The following CDK14 variants were observed in gnomAD, a reference collection of about 807,000 sequenced individuals.
CDK14 encodes cyclin dependent kinase 14.
Under a neutral mutation model 60.7 loss-of-function variants are expected in CDK14, and 34 were observed. The ratio of observed to expected loss-of-function variants is 0.56; its 90% CI spans 0.43 to 0.75. The LOEUF is 0.75. CDK14 is among the 30% of genes least tolerant of loss of function. The pLI is 0.00. For missense variants in CDK14, 482 were observed against 564.1 expected, an observed-to-expected ratio of 0.85 and a Z score of 1.47; for synonymous variants, 197 against 203.7, an observed-to-expected ratio of 0.97 and a Z score of 0.28.
intron 2 of CDK14, among the ~76,000 whole-genome samples, chr7:90,674,202 A>G (rs1004760627): frequency 1.3e-4 from 20 of 152,248 alleles, no homozygotes; most frequent in Non-Finnish European, 4.4e-5. Context: ...GATTATCTAT[A>G]GCGAGAAAAA....
At chr7:90,757,603 T>G (rs1804133613) in intron 4 of CDK14, among the ~76,000 whole-genome samples, 1 of 152,000 alleles carries the variant, frequency 6.6e-6, no homozygotes, top group South Asian at 2.1e-4. Context: ...ATTCTTTTTT[T>G]TTTTTTTGTT....
intron 6 of CDK14, among the ~76,000 whole-genome samples, chr7:90,885,621 T>G (rs1053537465): frequency 2.6e-5 from 4 of 152,216 alleles, no homozygotes; most frequent in African/African-American, 7.2e-5. Context: ...TACACATATG[T>G]TTATTGCAGC....
chr7:90,620,492 A>G (rs1025969528), intron 2 of CDK14, among the ~76,000 whole-genome samples: 4 of 151,980 alleles, frequency 2.6e-5, no homozygotes, highest in Admixed American at 6.6e-5. Flanking sequence ...TCCTTCACCC[A>G]TCTTCCAGCT....
intron 10 of CDK14, among the ~76,000 whole-genome samples, chr7:90,988,881 T>C (rs1353343248): frequency 2.0e-5 from 3 of 152,176 alleles, no homozygotes; most frequent in Admixed American, 2.0e-4. Context: ...GTCTCCTGGC[T>C]TATAATGAAA....
At chr7:91,046,946 C>A (rs1386798050) in intron 11 of CDK14, among the ~76,000 whole-genome samples, 2 of 152,124 alleles carry the variant, frequency 1.3e-5, no homozygotes, top group Non-Finnish European at 2.9e-5. Flanking sequence ...TAATATTTTT[C>A]TTCTGAAAGT....
chr7:90,790,480 G>A lies in CDK14; in HGVS notation c.465-93G>A, dbSNP rs1805785947. ...TCACTGACATTTTTAGCATAAAAGT[G>A]AATTTATTTAGTTATATAAATTATA... is the stretch of plus-strand genomic sequence containing the variant. On this transcript the variant is annotated intron_variant, in intron 4 of 14. Coordinates refer to ENST00000380050, the MANE Select transcript of CDK14 (RefSeq NM_001287135.2). 11 of 743,046 alleles carry A rather than the reference G, an allele frequency of 1.5e-5. No homozygotes were observed. The East Asian group carries it at 3.3e-4, about 22-fold the overall frequency. The allele number at this position is 743,046 out of a possible 1,614,324, so 46.0% of individuals were successfully genotyped here.
chr7:91,096,569 AAAAAG>A (rs1798998965), intron 12 of CDK14, among the ~76,000 whole-genome samples: 1 of 152,182 alleles, frequency 6.6e-6, no homozygotes, highest in Admixed American at 6.5e-5. Context: ...TGTTTAAAAA[AAAAAG>A]AAAAGAAAAT....
At chr7:90,988,992 T>G (rs372522712) in intron 10 of CDK14, among the ~76,000 whole-genome samples, 3 of 73,170 alleles carry the variant, frequency 4.1e-5, no homozygotes, top group African/African-American at 1.4e-4. Flanking sequence ...TTGAGTGTGT[T>G]TGTGTGTGAG....
intron 10 of CDK14, among the ~76,000 whole-genome samples, chr7:91,034,666 T>C (rs1796861969): frequency 1.3e-5 from 2 of 152,078 alleles, no homozygotes; most frequent in African/African-American, 4.8e-5. Context: ...GTCCAGTGGC[T>C]CCCCCTGCTG....
At chr7:90,710,903 GT>G (rs895523724) in intron 2 of CDK14, among the ~76,000 whole-genome samples, 3 of 152,008 alleles carry the variant, frequency 2.0e-5, no homozygotes, top group Non-Finnish European at 1.5e-5. Context: ...TTTTAATAGT[GT>G]TCAAAGTGAG....
chr7:90,715,984 C>T (rs1048593658), intron 2 of CDK14, among the ~76,000 whole-genome samples: 48 of 152,042 alleles, frequency 3.2e-4, no homozygotes, highest in African/African-American at 1.0e-3. Flanking sequence ...CCTCTTAACA[C>T]GTACCATTTG....
chr7:90,955,839 C>T (rs1460153098), intron 9 of CDK14, 22 bp downstream of exon 9: 1 of 1,611,236 alleles, frequency 6.2e-7, no homozygotes, highest in Non-Finnish European at 8.5e-7. Flanking sequence ...AAGCTTTACT[C>T]TAGCTAATCT....
chr7:90,836,927 T>C (rs909700473), intron 5 of CDK14, among the ~76,000 whole-genome samples: 3 of 152,246 alleles, frequency 2.0e-5, no homozygotes, highest in African/African-American at 7.2e-5. Context: ...TAACTGTATA[T>C]TGTTTCTGTA....
intron 2 of CDK14, among the ~76,000 whole-genome samples, chr7:90,713,462 CCTAA>C (rs113961297): frequency 0.16 from 24,612 of 151,842 alleles, 2,084 homozygotes; most frequent in Middle Eastern, 0.26. Context: ...TTTCTGTCCT[CCTAA>C]CTGTTTTTCT....
At chr7:90,844,059 C>G (rs1366905490) in intron 5 of CDK14, among the ~76,000 whole-genome samples, 1 of 152,068 alleles carries the variant, frequency 6.6e-6, no homozygotes, top group Non-Finnish European at 1.5e-5. Context: ...ATCATTACTC[C>G]TTGGAGTGTC....
At chr7:90,759,259 A>T (rs925939324) in intron 4 of CDK14, among the ~76,000 whole-genome samples, 1 of 152,158 alleles carries the variant, frequency 6.6e-6, no homozygotes, top group East Asian at 1.9e-4. Flanking sequence ...AATCCTTGGC[A>T]CTGTTCCCTT....
chr7:90,810,142 C>A (rs1167718595), intron 5 of CDK14, among the ~76,000 whole-genome samples: 2 of 152,128 alleles, frequency 1.3e-5, no homozygotes, highest in Non-Finnish European at 2.9e-5. Context: ...CATCCTGATA[C>A]CAAAGCCTGG....
At chr7:90,880,376 G>T (rs1298217585) in intron 6 of CDK14, among the ~76,000 whole-genome samples, 2 of 152,180 alleles carry the variant, frequency 1.3e-5, no homozygotes, top group Non-Finnish European at 2.9e-5. Context: ...AGTGGATGGG[G>T]CTTCCCTGCA....
At chr7:90,743,541 A>G (rs1199154565) in intron 3 of CDK14, among the ~76,000 whole-genome samples, 2 of 152,142 alleles carry the variant, frequency 1.3e-5, no homozygotes, top group East Asian at 1.9e-4. Context: ...TTTGAGCCCC[A>G]TATATCCCTT....
Sources: gnomAD v4.1 joint callset for allele counts (sites outside exome capture counted in the v4.1 genomes callset) on GRCh38, gnomAD v4.1.1 for gene constraint, MANE v1.5 for transcripts, NCBI Gene and HGNC (gene_info 2026-07-23, HGNC 2026-07-21) for gene names.